Variants in EPM2A observed in about 807,000 individuals in gnomAD.
EPM2A encodes EPM2A glucan phosphatase, laforin, also known as laforin.
EPM2A carries 21 observed loss-of-function variants against 26.5 expected under a neutral mutation model. The observed-to-expected ratio is 0.79, with a 90% CI of 0.56 to 1.14. EPM2A has a LOEUF of 1.14. Ranked by LOEUF, EPM2A falls within the 50% of genes most tolerant of loss-of-function variation. The pLI, the probability that EPM2A is intolerant of heterozygous loss-of-function variation, is 0.00. For synonymous variants in EPM2A, 217 were observed against 177.6 expected, an observed-to-expected ratio of 1.22 and a Z score of -1.76; for missense variants, 458 against 440.8, an observed-to-expected ratio of 1.04 and a Z score of -0.35.
Position 145,626,086 on chromosome 6 carries a change from T to C in EPM2A, c.*1330A>G. ...GATATTGTGAAGATTAAACTGGATA[T>C]GATTATATATCACCTTGCACATAGA... is the stretch of plus-strand genomic sequence containing the variant. On this transcript the variant is annotated 3_prime_UTR_variant, in exon 4 of 4. Coordinates refer to ENST00000367519, the MANE Select transcript of EPM2A (RefSeq NM_005670.4). 4 of 1,111,572 alleles carry C rather than the reference T, an allele frequency of 3.6e-6. No homozygotes were observed. The highest frequency in any genetic ancestry group is 3.3e-6 in the Non-Finnish European group (3 of 904,492). The allele number at this position is 1,111,572 out of a possible 1,614,324, so 68.9% of individuals were successfully genotyped here.
chr6:145,449,149 G>A (rs1057252250), intron 4 of EPM2A, among the ~76,000 whole-genome samples: 4 of 152,238 alleles, frequency 2.6e-5, no homozygotes, highest in East Asian at 1.9e-4. Flanking sequence ...GACTATTTAC[G>A]TTAACTGGTA....
rs1293838104 is a variant in EPM2A at position 145,503,713 on chromosome 6, T to A, written c.341-1138A>T. On this transcript the variant is annotated intron_variant, in intron 2 of 3. Coordinates refer to the EPM2A transcript ENST00000450221. ...AATGCCATCCCCATCAAGCTACCAA[T>A]GACTTTCTTCACAGAATTGGAAAAA... Among the ~76,000 whole-genome samples, 10 of 88,038 alleles carry A rather than the reference T, an allele frequency of 1.1e-4. 2 individuals carry two copies. Among genetic ancestry groups the A allele is most frequent in the Non-Finnish European group, 2.2e-4 (10 of 44,640 alleles). The allele number at this position is 88,038 out of a possible 152,430, so 57.8% of individuals were successfully genotyped here. A position where few individuals can be genotyped will look rare whatever the true frequency, so the allele number is the denominator to read the frequency against.
At chr6:145,461,473 G>T (rs895001835) in intron 4 of EPM2A, among the ~76,000 whole-genome samples, 10 of 152,098 alleles carry the variant, frequency 6.6e-5, no homozygotes, top group Admixed American at 2.6e-4. Context: ...GACACAACCT[G>T]TTCTTTTTCC....
At chr6:145,454,101 G>T (rs1779230906) in intron 4 of EPM2A, among the ~76,000 whole-genome samples, 1 of 152,006 alleles carries the variant, frequency 6.6e-6, no homozygotes, top group African/African-American at 2.4e-5. Flanking sequence ...AAATCAAATT[G>T]GTCTTCTATG....
chr6:145,490,626 C>T (rs555810158), intron 4 of EPM2A: 20 of 652,166 alleles, frequency 3.1e-5, no homozygotes, highest in South Asian at 2.6e-4. Context: ...CCCAAAGATA[C>T]CTTTCATTGC....
intron 4 of EPM2A, among the ~76,000 whole-genome samples, chr6:145,439,046 A>C (rs1365420524): frequency 6.6e-6 from 1 of 152,066 alleles, no homozygotes; most frequent in Non-Finnish European, 1.5e-5. Flanking sequence ...TCCCACTTAC[A>C]AGTGAGAATA....
intron 2 of EPM2A, among the ~76,000 whole-genome samples, chr6:145,564,769 ATGG>A (rs879382179): frequency 0.036 from 4,652 of 129,808 alleles, 217 homozygotes; most frequent in African/African-American, 0.11. Flanking sequence ...TTGTGGGTAT[ATGG>A]TGGGGGGGGG....
At chr6:145,390,180 G>A (rs1408061042) in intron 4 of EPM2A, among the ~76,000 whole-genome samples, 3 of 152,110 alleles carry the variant, frequency 2.0e-5, no homozygotes, top group African/African-American at 7.2e-5. Context: ...CAGTTCGCTG[G>A]CTGAATTCCT....
intron 2 of EPM2A, among the ~76,000 whole-genome samples, chr6:145,575,119 C>G (rs1436019136): frequency 6.6e-6 from 1 of 152,018 alleles, no homozygotes; most frequent in Non-Finnish European, 1.5e-5. Context: ...GGGAGGCCAC[C>G]ACTGTGTCCT....
intron 1 of EPM2A, among the ~76,000 whole-genome samples, chr6:145,723,656 G>A (rs1776055283): frequency 6.6e-6 from 1 of 152,072 alleles, no homozygotes; most frequent in Non-Finnish European, 1.5e-5. Flanking sequence ...ATAAAGGGCA[G>A]TACAGGACTA....
chr6:145,561,656 C>T (rs1582854496), intron 2 of EPM2A, among the ~76,000 whole-genome samples: 1 of 152,170 alleles, frequency 6.6e-6, no homozygotes, highest in South Asian at 2.1e-4. Flanking sequence ...CGTATCTTCT[C>T]TTGTCTGTGT....
intron 4 of EPM2A, among the ~76,000 whole-genome samples, chr6:145,458,830 C>A (rs1430651199): frequency 1.4e-5 from 2 of 147,194 alleles, no homozygotes; most frequent in African/African-American, 2.5e-5. Context: ...GCATAAATTT[C>A]CCTGCTTTAA....
intron 4 of EPM2A, among the ~76,000 whole-genome samples, chr6:145,464,084 G>A (rs1582775084): frequency 6.6e-6 from 1 of 151,950 alleles, no homozygotes; most frequent in East Asian, 1.9e-4. Flanking sequence ...TGTAAGACAT[G>A]CCTGCTTCAC....
At chr6:145,480,558 TATC>T (rs1779601355) in intron 4 of EPM2A, among the ~76,000 whole-genome samples, 1 of 152,174 alleles carries the variant, frequency 6.6e-6, no homozygotes, top group Non-Finnish European at 1.5e-5. Flanking sequence ...TTCTGTAGGT[TATC>T]TTTTCGATTT....
chr6:145,547,849 C>T (rs915562725), intron 2 of EPM2A, among the ~76,000 whole-genome samples: 7 of 152,016 alleles, frequency 4.6e-5, no homozygotes, highest in African/African-American at 1.4e-4. Flanking sequence ...CTTGGGTCAT[C>T]AAGATATTTA....
At chr6:145,651,006 C>T (rs992614903) in intron 2 of EPM2A, among the ~76,000 whole-genome samples, 2 of 152,088 alleles carry the variant, frequency 1.3e-5, no homozygotes, top group Non-Finnish European at 2.9e-5. Flanking sequence ...AAGAATCTGC[C>T]GCATCCTGCA....
At chr6:145,586,584 A>G (rs1237634442) in intron 2 of EPM2A, among the ~76,000 whole-genome samples, 1 of 152,178 alleles carries the variant, frequency 6.6e-6, no homozygotes, top group Non-Finnish European at 1.5e-5. Context: ...TTAAAATGAA[A>G]GAAAAGAGCA....
Position 145,510,302 on chromosome 6 carries a change from G to T in EPM2A, c.341-7727C>A, listed in dbSNP as rs115601174. ...CACAGAATATACATTCTTCTCATCT[G>T]CATATGGAACATACTGTAAGATTGA... On this transcript the variant is annotated intron_variant, in intron 2 of 3. Coordinates refer to the EPM2A transcript ENST00000450221. 5.0e-3 allele frequency among the ~76,000 whole-genome samples: 759 copies of T among 152,212 alleles called. 4 individuals carry two copies. The highest frequency in any genetic ancestry group is 0.018 in the African/African-American group (739 of 41,560).
chr6:145,560,789 C>T (rs545067133), intron 2 of EPM2A, among the ~76,000 whole-genome samples: 1 of 152,196 alleles, frequency 6.6e-6, no homozygotes, highest in African/African-American at 2.4e-5. Flanking sequence ...TCAAACATGC[C>T]ATATAGCTCC....
Sources: allele counts gnomAD v4.1 joint callset (sites outside exome capture counted in the v4.1 genomes callset), GRCh38; gene constraint gnomAD v4.1.1; transcripts MANE v1.5; gene names NCBI Gene and HGNC (gene_info 2026-07-23, HGNC 2026-07-21).